CACNB2: variants seen among roughly 807,000 people sequenced by gnomAD.
The protein encoded by CACNB2 is calcium voltage-gated channel auxiliary subunit beta 2, also known as voltage-dependent L-type calcium channel subunit beta-2.
In CACNB2, 42 loss-of-function variants were observed where a neutral mutation model predicts 73.3. The observed-to-expected ratio is 0.57, with a 90% confidence interval of 0.45 to 0.74. CACNB2 has a LOEUF of 0.74. Among genes scored for constraint, CACNB2 ranks in the 30% least tolerant of loss-of-function variants. The pLI is 0.00. For missense variants in CACNB2, 940 were observed against 853.0 expected (o/e 1.10, Z -1.27); for synonymous variants, 348 against 310.3 (o/e 1.12, Z -1.28).
chr10:18,277,817 A>C (rs777665167), intron 2 of CACNB2, among the ~76,000 whole-genome samples: 5 of 152,210 alleles, frequency 3.3e-5, no homozygotes, highest in African/African-American at 4.8e-5. Context: ...AGAATGAGAC[A>C]TCGCTTTCAT....
chr10:18,143,934 C>A (rs2030696312), intron 1 of CACNB2, among the ~76,000 whole-genome samples: 1 of 152,152 alleles, frequency 6.6e-6, no homozygotes. Flanking sequence ...CAAACTCTGC[C>A]ATTTTCCTTT....
At chr10:18,340,565 T>C in intron 2 of CACNB2, 2 of 510,418 alleles carry the variant, frequency 3.9e-6, no homozygotes, top group African/African-American at 2.0e-5. Flanking sequence ...TGGAGGGACC[T>C]GTCGCATCTG....
At chr10:18,456,218 C>T (rs1393947672) in intron 3 of CACNB2, among the ~76,000 whole-genome samples, 2 of 152,126 alleles carry the variant, frequency 1.3e-5, no homozygotes, top group South Asian at 4.1e-4. Context: ...CACCTGTGAT[C>T]CCAGCACTTT....
At chr10:18,253,678 A>G (rs534903140) in intron 2 of CACNB2, among the ~76,000 whole-genome samples, 135 of 152,310 alleles carry the variant, frequency 8.9e-4, no homozygotes, top group African/African-American at 3.0e-3. Context: ...TAAGACATGA[A>G]TATGCCTCGC....
At chr10:18,525,029 T>TAAAAAA (rs35445837) in intron 9 of CACNB2, among the ~76,000 whole-genome samples, 6 of 108,276 alleles carry the variant, frequency 5.5e-5, no homozygotes, top group Admixed American at 1.1e-4. Flanking sequence ...AGATGCTGTC[T>TAAAAAA]AAAAAAAAAA....
intron 2 of CACNB2, among the ~76,000 whole-genome samples, chr10:18,336,128 A>G (rs1042778726): frequency 2.0e-5 from 3 of 152,232 alleles, no homozygotes; most frequent in African/African-American, 7.2e-5. Flanking sequence ...CTTTCAGAAC[A>G]TGTCTTTCAA....
chr10:18,456,854 C>T (rs906412563), intron 3 of CACNB2, among the ~76,000 whole-genome samples: 4 of 152,072 alleles, frequency 2.6e-5, no homozygotes, highest in Non-Finnish European at 2.9e-5. Flanking sequence ...AATATTCCAC[C>T]GTATGCATAT....
At chr10:18,420,115 T>C (rs1393961929) in intron 3 of CACNB2, among the ~76,000 whole-genome samples, 2 of 152,198 alleles carry the variant, frequency 1.3e-5, no homozygotes, top group Admixed American at 1.3e-4. Context: ...TTGTTCAAGA[T>C]GGAGTCACTC....
intron 2 of CACNB2, among the ~76,000 whole-genome samples, chr10:18,169,237 A>G (rs188294828): frequency 1.4e-3 from 208 of 152,302 alleles, no homozygotes; most frequent in African/African-American, 4.5e-3. Flanking sequence ...TCAGAAGTCA[A>G]TGGTATAGCT....
intron 2 of CACNB2, among the ~76,000 whole-genome samples, chr10:18,339,625 T>A (rs1325567196): frequency 2.0e-5 from 3 of 152,316 alleles, no homozygotes; most frequent in African/African-American, 7.2e-5. Context: ...GTAGGACATA[T>A]TTAAGGCTTT....
chr10:18,184,106 A>G (rs1222495938), intron 2 of CACNB2, among the ~76,000 whole-genome samples: 1 of 152,210 alleles, frequency 6.6e-6, no homozygotes, highest in Non-Finnish European at 1.5e-5. Flanking sequence ...TTAGGAAAGT[A>G]TGGATTTAAT....
intron 3 of CACNB2, among the ~76,000 whole-genome samples, chr10:18,441,549 C>A (rs1416349155): frequency 6.6e-6 from 1 of 151,510 alleles, no homozygotes; most frequent in Non-Finnish European, 1.5e-5. Context: ...CTTTTTTTTG[C>A]TGGCTTTACT....
At chr10:18,292,675 T>G (rs779001030) in intron 2 of CACNB2, among the ~76,000 whole-genome samples, 6 of 152,000 alleles carry the variant, frequency 3.9e-5, no homozygotes, top group Non-Finnish European at 8.8e-5. Flanking sequence ...TAAAATTATA[T>G]ATATAGATTT....
intron 2 of CACNB2, among the ~76,000 whole-genome samples, chr10:18,282,759 C>T (rs1478798951): frequency 6.6e-6 from 1 of 152,014 alleles, no homozygotes; most frequent in Admixed American, 6.6e-5. Context: ...AGTCCATTTC[C>T]ACACTGCTGA....
chr10:18,214,691 G>T (rs1254812335), intron 2 of CACNB2, among the ~76,000 whole-genome samples: 1 of 151,882 alleles, frequency 6.6e-6, no homozygotes, highest in African/African-American at 2.4e-5. Flanking sequence ...GCTGGTCGGG[G>T]AGGTTGCCTA....
chr10:18,359,073 TG>T lies in CACNB2; in HGVS notation c.214-42846del, dbSNP rs1237658523. Among the ~76,000 whole-genome samples, 5 of 152,268 alleles carry T rather than the reference TG, an allele frequency of 3.3e-5. No individual in the cohort carries two copies. The South Asian group carries it at 1.0e-3, about 32-fold the overall frequency. On this transcript the variant is annotated intron_variant, in intron 2 of 13. Transcript: ENST00000324631. The stretch of plus-strand genomic sequence containing the variant: ...TTGTCATGATGGAAAAGTAACATGT[TG>T]GGGGTTTTAATAACCACTGAAATAC...
chr10:18,228,456 A>G (rs1187000664), intron 2 of CACNB2, among the ~76,000 whole-genome samples: 1 of 150,138 alleles, frequency 6.7e-6, no homozygotes, highest in Non-Finnish European at 1.5e-5. Context: ...AAAAGAAAAA[A>G]AAAAAGAAAA....
chr10:18,432,794 C>T (rs1481065147), intron 3 of CACNB2, among the ~76,000 whole-genome samples: 1 of 152,006 alleles, frequency 6.6e-6, no homozygotes, highest in South Asian at 2.1e-4. Context: ...AAGACTGTGC[C>T]ATTGTACTCT....
At chr10:18,457,233 G>A (rs2047329287) in intron 3 of CACNB2, among the ~76,000 whole-genome samples, 1 of 152,092 alleles carries the variant, frequency 6.6e-6, no homozygotes, top group Non-Finnish European at 1.5e-5. Flanking sequence ...CAGGACTACA[G>A]ACATGCGCCA....
Sources: allele counts gnomAD v4.1 joint callset (sites outside exome capture counted in the v4.1 genomes callset), GRCh38; gene constraint gnomAD v4.1.1; transcripts MANE v1.5; gene names NCBI Gene and HGNC (gene_info 2026-07-23, HGNC 2026-07-21).